Variants in RHOT1 observed in about 807,000 individuals in gnomAD.
The protein encoded by RHOT1 is mitochondrial Rho GTPase 1.
In RHOT1, 27 loss-of-function variants were observed where a neutral mutation model predicts 95.3. That is an observed-to-expected ratio of 0.28 (90% CI 0.21 to 0.39). The LOEUF is 0.39. RHOT1 is among the 10% of genes least tolerant of loss of function. The probability of loss-of-function intolerance (pLI) is 1.00; values close to 1 mark genes in which losing one functional copy is unlikely to be tolerated. For missense variants in RHOT1, 578 were observed against 786.7 expected, an observed-to-expected ratio of 0.73 and a Z score of 3.17; for synonymous variants, 227 against 263.5, an observed-to-expected ratio of 0.86 and a Z score of 1.34.
chr17:32,155,637 G>A (rs961630476), intron 1 of RHOT1, among the ~76,000 whole-genome samples: 1 of 151,694 alleles, frequency 6.6e-6, no homozygotes, highest in African/African-American at 2.4e-5. Context: ...CGACTTCCCA[G>A]GCTCCAGGGA....
intron 1 of RHOT1, among the ~76,000 whole-genome samples, chr17:32,143,542 T>C (rs543216472): frequency 6.6e-6 from 1 of 152,240 alleles, no homozygotes; most frequent in Non-Finnish European, 1.5e-5. Context: ...AGTTAACTTA[T>C]TAATAACCAC....
intron 3 of RHOT1, 73 bp from the exon 4 acceptor site, chr17:32,175,246 T>A: frequency 7.8e-7 from 1 of 1,283,982 alleles, no homozygotes; most frequent in Non-Finnish European, 1.1e-6. Context: ...GAGTGTTGCA[T>A]AGAATTTAGC....
chr17:32,184,888 G>A (rs1033459177), intron 8 of RHOT1, among the ~76,000 whole-genome samples: 7 of 151,648 alleles, frequency 4.6e-5, no homozygotes, highest in Admixed American at 4.6e-4. Flanking sequence ...ATAGACTGTT[G>A]TAAACATTCA....
chr17:32,200,739 A>C (rs368769682), intron 13 of RHOT1, among the ~76,000 whole-genome samples: 2 of 151,390 alleles, frequency 1.3e-5, no homozygotes, highest in South Asian at 2.1e-4. Context: ...GTGCCATTGC[A>C]CTCTAGCGTG....
chr17:32,190,628 AAGG>A (rs1384926925), intron 8 of RHOT1, among the ~76,000 whole-genome samples: 1 of 152,192 alleles, frequency 6.6e-6, no homozygotes, highest in Non-Finnish European at 1.5e-5. Context: ...ACTTTTTTAA[AAGG>A]AGAGTAAATA....
At chr17:32,204,627 A>C (rs1354999712) in intron 16 of RHOT1, among the ~76,000 whole-genome samples, 8 of 146,688 alleles carry the variant, frequency 5.5e-5, no homozygotes, top group Non-Finnish European at 1.2e-4. Context: ...TTCATCATTT[A>C]AAAAAATTAA....
intron 19 of RHOT1, among the ~76,000 whole-genome samples, chr17:32,221,685 G>A (rs529836178): frequency 1.8e-4 from 27 of 152,316 alleles, no homozygotes; most frequent in East Asian, 7.7e-4. Context: ...TGGAGCCATC[G>A]AAATATATTT....
At chr17:32,149,635 ATGTGTGTG>A (rs1300585666) in intron 1 of RHOT1, among the ~76,000 whole-genome samples, 10 of 59,096 alleles carry the variant, frequency 1.7e-4, no homozygotes, top group South Asian at 8.7e-4. Context: ...ATATATATAT[ATGTGTGTG>A]TGTGTGTGTG....
Position 32,171,217 on chromosome 17 carries a change from A to T in RHOT1, c.96+116A>T, listed in dbSNP as rs988963100. On this transcript the variant is annotated intron_variant, in intron 2 of 19. Coordinates refer to ENST00000545287, the MANE Select transcript of RHOT1 (RefSeq NM_001033566.3). Reference sequence around the variant, plus strand: ...ATGTGCTTCCTTTTGGACAGTTGAGACTTTTTTTTCTCCCTTCTTTAGAGA... The same window carrying T: ...ATGTGCTTCCTTTTGGACAGTTGAGTCTTTTTTTTCTCCCTTCTTTAGAGA... 7 of 678,756 alleles carry T rather than the reference A, an allele frequency of 1.0e-5. No homozygotes were observed. The African/African-American group carries it at 1.3e-4, about 13-fold the overall frequency. 42.0% of individuals were successfully genotyped at this position (678,756 alleles called of 1,614,324 possible). A position where few individuals can be genotyped will look rare whatever the true frequency, so the allele number is the denominator to read the frequency against.
chr17:32,176,263 C>T lies in RHOT1; in HGVS notation c.329+50C>T. On this transcript the variant is annotated intron_variant, in intron 6 of 19. Coordinates refer to ENST00000545287, the MANE Select transcript of RHOT1 (RefSeq NM_001033566.3). ...TTATAATTAAAAAGTTTAAAGCTTG[C>T]AGAAAAGGTACAAGAAGTAGTACAT... 2.1e-6 allele frequency: 3 copies of T among 1,425,288 alleles called. No individual in the cohort carries two copies. The East Asian group carries it at 6.8e-5, about 33-fold the overall frequency. The allele number at this position is 1,425,288 out of a possible 1,614,324, so 88.3% of individuals were successfully genotyped here.
chr17:32,220,681 C>A (rs1459835350), intron 19 of RHOT1, among the ~76,000 whole-genome samples: 2 of 150,566 alleles, frequency 1.3e-5, no homozygotes, highest in Non-Finnish European at 3.0e-5. Flanking sequence ...CTAAAAATAC[C>A]AAAAATTAGC....
chr17:32,167,867 C>G (rs60218061), intron 1 of RHOT1, among the ~76,000 whole-genome samples: 1,716 of 151,652 alleles, frequency 0.011, 35 homozygotes, highest in African/African-American at 0.039. Flanking sequence ...AGACCCTGTC[C>G]GTACAAAGAA....
rs767564866 is a variant in RHOT1, at chr17:32,155,495, C to CT, written c.37+12783dup. Among the ~76,000 whole-genome samples the CT allele has an allele frequency of 3.8e-3, 520 of 135,556 alleles. 3 individuals carry two copies. Among genetic ancestry groups the CT allele is most frequent in the East Asian group, 0.026 (122 of 4,694 alleles). 88.9% of individuals were successfully genotyped at this position (135,556 alleles called of 152,430 possible). A position where few individuals can be genotyped will look rare whatever the true frequency, so the allele number is the denominator to read the frequency against. On this transcript the variant is annotated intron_variant, in intron 1 of 19. Coordinates refer to ENST00000545287, the MANE Select transcript of RHOT1 (RefSeq NM_001033566.3). ...TTCTTTTCTTTTTCTTTCTTTCTTT[C>CT]TTTTTTTTTTTTTTTTTAAGTTTTG...
At chr17:32,189,322 A>G (rs1331086913) in intron 8 of RHOT1, among the ~76,000 whole-genome samples, 8 of 152,090 alleles carry the variant, frequency 5.3e-5, no homozygotes. Flanking sequence ...CAAAACAAAA[A>G]ACAACAAAAA....
At chr17:32,162,898 C>T (rs2033693841) in intron 1 of RHOT1, among the ~76,000 whole-genome samples, 1 of 152,026 alleles carries the variant, frequency 6.6e-6, no homozygotes, top group Admixed American at 6.6e-5. Context: ...TTATTAATAA[C>T]ATTTGGGAAA....
rs1295937213 is a variant in RHOT1 at position 32,206,962 on chromosome 17, A to G, written c.1469A>G (p.Asp490Gly). 6.2e-7 allele frequency: 1 copy of G among 1,610,218 alleles called. No homozygotes were observed. Among genetic ancestry groups the G allele is most frequent in the Non-Finnish European group, 8.5e-7 (1 of 1,177,074 alleles). ...EFLTEAEIICDVVCLVYDVSN... is the reference protein window; with the variant it reads ...EFLTEAEIICGVVCLVYDVSN... Reference sequence around the variant, plus strand: ...CTAACTGAAGCTGAAATCATTTGTGATGTTGTATGCCTGGTATATGATGTC... The same window carrying G: ...CTAACTGAAGCTGAAATCATTTGTGGTGTTGTATGCCTGGTATATGATGTC... Residue 490 changes from aspartate (D) to glycine (G), a missense_variant, in exon 17 of 20, where the codon GAT becomes GGT. Asp to Gly is a moderately conservative substitution (Grantham distance 94). Coordinates refer to ENST00000545287, the MANE Select transcript of RHOT1 (RefSeq NM_001033566.3).
rs549721431 is a variant in RHOT1 at position 32,158,574 on chromosome 17, C to T, written c.38-12469C>T. Among the ~76,000 whole-genome samples the T allele has an allele frequency of 1.2e-4, 18 of 152,216 alleles. No individual in the cohort carries two copies. The South Asian group carries it at 2.3e-3, about 19-fold the overall frequency. On this transcript the variant is annotated intron_variant, in intron 1 of 19. Coordinates refer to ENST00000545287, the MANE Select transcript of RHOT1 (RefSeq NM_001033566.3). ...TCCCGCTTTCAAACGATTCTCCTGCCGCAGCCTCCCTAGTAGCTAGGACTA... is the reference window on the plus strand; with the variant it reads ...TCCCGCTTTCAAACGATTCTCCTGCTGCAGCCTCCCTAGTAGCTAGGACTA...
At chr17:32,199,335 T>C (rs1340247807) in intron 12 of RHOT1, 70 bp from the exon 13 acceptor site, 8 of 1,414,754 alleles carry the variant, frequency 5.7e-6, no homozygotes, top group East Asian at 4.6e-5. Context: ...CTTTACTAGA[T>C]TGGGGGGCTT....
intron 19 of RHOT1, among the ~76,000 whole-genome samples, chr17:32,217,855 AT>A (rs2038578525): frequency 6.6e-6 from 1 of 151,014 alleles, no homozygotes; most frequent in African/African-American, 2.4e-5. Flanking sequence ...TTAATATTTT[AT>A]TTTATTTATT....
Sources: allele counts gnomAD v4.1 joint callset (sites outside exome capture counted in the v4.1 genomes callset), GRCh38; gene constraint gnomAD v4.1.1; transcripts MANE v1.5; gene names NCBI Gene and HGNC (gene_info 2026-07-23, HGNC 2026-07-21).